The following TMEM135 variants were observed in gnomAD, a reference collection of about 807,000 sequenced individuals.
The protein encoded by TMEM135 is peroxisomal membrane protein 52.
In TMEM135, 30 loss-of-function variants were observed where a neutral mutation model predicts 60.3. That is an observed-to-expected ratio of 0.50 (90% CI 0.37 to 0.68). TMEM135 has a LOEUF of 0.68. TMEM135 is among the 30% of genes least tolerant of loss of function. TMEM135 has a pLI of 0.00. For synonymous variants in TMEM135, 190 were observed against 186.7 expected (o/e 1.02, Z -0.14); for missense variants, 468 against 548.8 (o/e 0.85, Z 1.47).
chr11:87,210,557 T>A (rs1940343198), intron 5 of TMEM135, among the ~76,000 whole-genome samples: 1 of 152,130 alleles, frequency 6.6e-6, no homozygotes, highest in Non-Finnish European at 1.5e-5. Context: ...CTGGACCAGA[T>A]TGACTCACAG....
At chr11:87,299,775 C>G (rs1472477188) in intron 7 of TMEM135, among the ~76,000 whole-genome samples, 1 of 152,034 alleles carries the variant, frequency 6.6e-6, no homozygotes, top group East Asian at 1.9e-4. Flanking sequence ...ATATTTTAGG[C>G]AAACCTTACC....
intron 4 of TMEM135, among the ~76,000 whole-genome samples, chr11:87,127,795 A>G (rs540327271): frequency 6.6e-6 from 1 of 152,086 alleles, no homozygotes; most frequent in South Asian, 2.1e-4. Context: ...TTTTGTTTTT[A>G]TTATTTTTTT....
intron 1 of TMEM135, among the ~76,000 whole-genome samples, chr11:87,056,755 G>A (rs995669589): frequency 1.3e-5 from 2 of 152,054 alleles, no homozygotes; most frequent in Non-Finnish European, 2.9e-5. Context: ...AACTCTTAGT[G>A]TTCATGAGTT....
chr11:87,267,516 G>C (rs1941774628), intron 6 of TMEM135, among the ~76,000 whole-genome samples: 2 of 152,050 alleles, frequency 1.3e-5, no homozygotes, highest in African/African-American at 4.8e-5. Context: ...TCACTGGAAA[G>C]GTATTTTTGT....
intron 12 of TMEM135, among the ~76,000 whole-genome samples, chr11:87,316,487 A>G (rs1942731602): frequency 6.6e-6 from 1 of 152,170 alleles, no homozygotes; most frequent in African/African-American, 2.4e-5. Flanking sequence ...ACATTTTAAG[A>G]AGAACATTTT....
intron 5 of TMEM135, among the ~76,000 whole-genome samples, chr11:87,197,760 G>A (rs1939994413): frequency 1.3e-5 from 2 of 151,834 alleles, no homozygotes; most frequent in South Asian, 4.2e-4. Context: ...CACTTATTAG[G>A]GATATCATAT....
intron 5 of TMEM135, 59 bp downstream of exon 5, chr11:87,157,465 A>G: frequency 7.2e-7 from 1 of 1,394,726 alleles, no homozygotes; most frequent in Non-Finnish European, 1.0e-6. Context: ...CGATTTTAAA[A>G]TATAAAATGT....
At chr11:87,259,159 G>C (rs1004118035) in intron 6 of TMEM135, 96 of 626,102 alleles carry the variant, frequency 1.5e-4, no homozygotes, top group Non-Finnish European at 3.5e-5. Context: ...GTCTCATCTA[G>C]CTTCTCCTCG....
chr11:87,258,849 C>A, intron 6 of TMEM135: 1 of 775,750 alleles, frequency 1.3e-6, no homozygotes, highest in East Asian at 2.6e-5. Context: ...CAGTAACAAT[C>A]TAGATCTTTC....
At chr11:87,123,407 C>A (rs689444) in intron 4 of TMEM135, among the ~76,000 whole-genome samples, 106,743 of 152,004 alleles carry the variant, frequency 0.7, 37,857 homozygotes, top group East Asian at 0.91. Flanking sequence ...TCTTCTCTCT[C>A]TGTCTGTGTG....
In TMEM135 at chr11:87,112,710, A is replaced by G. The variant is rs79837046; in HGVS notation, c.396+21315A>G. On this transcript the variant is annotated intron_variant, in intron 4 of 14. Transcript: ENST00000305494. ...CTTTAGTTTTAAAACAATACATTAT[A>G]TGTTAAATTTTTTGGAAGAAAATCG... 8.3e-3 allele frequency among the ~76,000 whole-genome samples: 1,267 copies of G among 152,174 alleles called. 20 individuals are homozygous for G. The highest frequency in any genetic ancestry group is 0.029 in the African/African-American group (1,209 of 41,552).
At chr11:87,190,362 G>A (rs1487129660) in intron 5 of TMEM135, among the ~76,000 whole-genome samples, 1 of 152,172 alleles carries the variant, frequency 6.6e-6, no homozygotes, top group Non-Finnish European at 1.5e-5. Flanking sequence ...GGTGTTCGGT[G>A]AGAGAGAGGG....
At chr11:87,099,402 AT>A (rs766016533) in intron 4 of TMEM135, among the ~76,000 whole-genome samples, 3 of 152,070 alleles carry the variant, frequency 2.0e-5, no homozygotes, top group Non-Finnish European at 4.4e-5. Context: ...CTCTTTACCC[AT>A]TTTCCCCCAA....
intron 6 of TMEM135, among the ~76,000 whole-genome samples, chr11:87,244,048 T>C (rs982109341): frequency 3.4e-5 from 3 of 87,194 alleles, no homozygotes; most frequent in South Asian, 7.5e-4. Context: ...TTATTGAGAG[T>C]TTTTAGCATG....
chr11:87,302,342 G>C lies in TMEM135; in HGVS notation c.598G>C (p.Glu200Gln), dbSNP rs765349069. 1 of 1,613,554 alleles carries C rather than the reference G, an allele frequency of 6.2e-7. No homozygotes were observed. Among genetic ancestry groups the C allele is most frequent in the African/African-American group, 1.3e-5 (1 of 74,808 alleles). ...AATTCCCACACATTCTTTTTCACCAGAGGCAGCATATGCAAAAGTGGAACA... is the reference window on the plus strand; with the variant it reads ...AATTCCCACACATTCTTTTTCACCACAGGCAGCATATGCAAAAGTGGAACA... The part of the protein sequence containing the change: ...EEIPTHSFSP[E>Q]AAYAKVEQKR... The change falls in exon 8 of 15, where the codon GAG becomes CAG. Residue 200 changes from glutamate (E) to glutamine (Q), a missense_variant. Physicochemically the swap from Glu to Gln is conservative, Grantham distance 29. Transcript: ENST00000305494.
intron 5 of TMEM135, among the ~76,000 whole-genome samples, chr11:87,212,841 AAG>A (rs2018474504): frequency 6.6e-6 from 1 of 151,414 alleles, no homozygotes; most frequent in Non-Finnish European, 1.5e-5. Context: ...AAAAAAAAAA[AAG>A]AATACAAATA....
At chr11:87,063,083 A>G (rs1391589298) in intron 1 of TMEM135, among the ~76,000 whole-genome samples, 1 of 152,244 alleles carries the variant, frequency 6.6e-6, no homozygotes, top group African/African-American at 2.4e-5. Flanking sequence ...GAACGTATCC[A>G]AAAGTGAAAA....
Position 87,325,646 on chromosome 11 carries a change from G to T in TMEM135, c.*4313G>T, listed in dbSNP as rs1376178663. 8 of 453,764 alleles carry T rather than the reference G, an allele frequency of 1.8e-5. No individual in the cohort carries two copies. In the East Asian group the frequency reaches 5.6e-4, roughly 32 times the overall value. 28.1% of individuals were successfully genotyped at this position (453,764 alleles called of 1,614,324 possible). On this transcript the variant is annotated 3_prime_UTR_variant, in exon 15 of 15. Coordinates refer to ENST00000305494, the MANE Select transcript of TMEM135 (RefSeq NM_022918.4). ...TTTAAGCCAGCCGTTCAAGTGAGAG[G>T]CTCTGGAGTGATCATAACGGTGATA... is the stretch of plus-strand genomic sequence containing the variant.
intron 6 of TMEM135, among the ~76,000 whole-genome samples, chr11:87,274,454 T>C (rs1381551299): frequency 6.6e-6 from 1 of 152,218 alleles, no homozygotes; most frequent in Non-Finnish European, 1.5e-5. Context: ...TACATGTCTT[T>C]CTTGCGTTCT....
Sources: gnomAD v4.1 joint callset for allele counts (sites outside exome capture counted in the v4.1 genomes callset) on GRCh38, gnomAD v4.1.1 for gene constraint, MANE v1.5 for transcripts, NCBI Gene and HGNC (gene_info 2026-07-23, HGNC 2026-07-21) for gene names.